The following DOP1B variants were observed in gnomAD, a reference collection of about 807,000 sequenced individuals.
The protein encoded by DOP1B is protein DOP1B.
Under a neutral mutation model 233.5 loss-of-function variants are expected in DOP1B, and 174 were observed. The observed-to-expected ratio is 0.75, with a 90% CI of 0.66 to 0.85. The LOEUF is 0.85. DOP1B is among the 40% of genes least tolerant of loss of function. The pLI is 0.00. For missense variants in DOP1B, 2,652 were observed against 2,846.6 expected, an observed-to-expected ratio of 0.93 and a Z score of 1.56; for synonymous variants, 1,190 against 1,185.6, an observed-to-expected ratio of 1.00 and a Z score of -0.08.
intron 36 of DOP1B, among the ~76,000 whole-genome samples, chr21:36,292,820 G>A (rs1342877003): frequency 1.3e-5 from 2 of 151,968 alleles, no homozygotes; most frequent in East Asian, 1.9e-4. Flanking sequence ...CGCCATATTG[G>A]TCAGGCTGGT....
intron 27 of DOP1B, 150 bp downstream of exon 27, chr21:36,270,307 C>A: frequency 1.2e-6 from 1 of 821,076 alleles, no homozygotes; most frequent in Non-Finnish European, 1.9e-6. Context: ...AATCCCAGCA[C>A]TTTGGGAGAC....
At position 36,179,601 on chromosome 21, in the gene DOP1B, C is replaced by A. The variant is rs528818406; in HGVS notation, c.138+14730C>A. Among the ~76,000 whole-genome samples the A allele has an allele frequency of 2.6e-5, 4 of 152,254 alleles. No homozygotes were observed. In the South Asian group the frequency reaches 8.3e-4, roughly 32 times the overall value. ...GTAGGGGAGTAGTTGTGAAGTGAGTCATGGAACGACAATATAATGCACACA... is the reference window on the plus strand; with the variant it reads ...GTAGGGGAGTAGTTGTGAAGTGAGTAATGGAACGACAATATAATGCACACA... On this transcript the variant is annotated intron_variant, in intron 2 of 36. Coordinates refer to ENST00000691173, the MANE Select transcript of DOP1B (RefSeq NM_001320714.2).
Position 36,292,252 on chromosome 21 carries a change from T to TTTTA in DOP1B, c.6645+22_6645+23insATTT. The TTTTA allele has an allele frequency of 6.5e-7, 1 of 1,527,848 alleles. No individual in the cohort carries two copies. Among genetic ancestry groups the TTTTA allele is most frequent in the Non-Finnish European group, 8.7e-7 (1 of 1,143,792 alleles). The allele number at this position is 1,527,848 out of a possible 1,614,324, so 94.6% of individuals were successfully genotyped here. Reference sequence around the variant, plus strand: ...GTTTGGGGTAAGTGCTTTTCTTTTCTTTTCTTTTTTTTTTTTTTTGGTGAG... The same window carrying TTTTA: ...GTTTGGGGTAAGTGCTTTTCTTTTCTTTTATTTCTTTTTTTTTTTTTTTGGTGAG... On this transcript the variant is annotated intron_variant, in intron 36 of 36. Transcript: ENST00000691173.
intron 7 of DOP1B, among the ~76,000 whole-genome samples, chr21:36,212,484 G>T (rs1299269890): frequency 6.6e-6 from 1 of 152,214 alleles, no homozygotes; most frequent in Non-Finnish European, 1.5e-5. Context: ...TGTAGATAAA[G>T]GAGGAGGTTT....
intron 13 of DOP1B, among the ~76,000 whole-genome samples, chr21:36,229,974 C>T (rs2066739898): frequency 1.3e-5 from 2 of 151,168 alleles, no homozygotes; most frequent in African/African-American, 2.4e-5. Context: ...TATTTTATTT[C>T]TTCATACCTT....
intron 2 of DOP1B, among the ~76,000 whole-genome samples, chr21:36,173,285 CT>C (rs1212634658): frequency 6.6e-6 from 1 of 152,024 alleles, no homozygotes; most frequent in African/African-American, 2.4e-5. Context: ...CCAGTCAACC[CT>C]TTTTTCAACT....
At chr21:36,157,241 C>T (rs1297925296) in intron 1 of DOP1B, among the ~76,000 whole-genome samples, 2 of 152,116 alleles carry the variant, frequency 1.3e-5, no homozygotes. Flanking sequence ...ATGATGCCGG[C>T]CACGCCCTCG....
In DOP1B at chr21:36,238,720, T is replaced by G. The variant is rs371443302; in HGVS notation, c.2876+19T>G. 5 of 1,612,438 alleles carry G rather than the reference T, an allele frequency of 3.1e-6. No homozygotes were observed. Among genetic ancestry groups the G allele is most frequent in the Non-Finnish European group, 4.2e-6 (5 of 1,178,450 alleles). On this transcript the variant is annotated intron_variant, in intron 17 of 36. Coordinates refer to ENST00000691173, the MANE Select transcript of DOP1B (RefSeq NM_001320714.2). ...TTGATAGGTGAGGCGGCCTTCGTTA[T>G]GATCTACCGTTAACTCACGAGGAAA...
At chr21:36,205,639 T>C (rs2066418116) in intron 4 of DOP1B, among the ~76,000 whole-genome samples, 1 of 151,932 alleles carries the variant, frequency 6.6e-6, no homozygotes, top group Non-Finnish European at 1.5e-5. Context: ...CCACCTGCCT[T>C]GGCCTCCCAA....
At chr21:36,237,219 G>C in intron 15 of DOP1B, 43 bp from the exon 16 acceptor site, 2 of 1,613,500 alleles carry the variant, frequency 1.2e-6, no homozygotes, top group Non-Finnish European at 1.7e-6. Context: ...GATGTTGCCT[G>C]TGTTGACCTG....
chr21:36,188,930 T>A (rs1021721047), intron 2 of DOP1B, among the ~76,000 whole-genome samples: 1 of 152,224 alleles, frequency 6.6e-6, no homozygotes, highest in Non-Finnish European at 1.5e-5. Context: ...ACTCCTTTTT[T>A]AAAGCATTTT....
chr21:36,165,337 G>C (rs2123390359), intron 2 of DOP1B, among the ~76,000 whole-genome samples: 1 of 152,084 alleles, frequency 6.6e-6, no homozygotes, highest in South Asian at 2.1e-4. Flanking sequence ...TTTTACTGCT[G>C]TCTGGTAACT....
At chr21:36,282,705 G>A (rs1276841502) in intron 32 of DOP1B, among the ~76,000 whole-genome samples, 1 of 152,064 alleles carries the variant, frequency 6.6e-6, no homozygotes, top group African/African-American at 2.4e-5. Flanking sequence ...ACTGGGCACG[G>A]TGGCTCACGC....
intron 10 of DOP1B, among the ~76,000 whole-genome samples, chr21:36,220,613 G>A (rs774208475): frequency 7.9e-5 from 12 of 151,478 alleles, no homozygotes; most frequent in East Asian, 1.9e-4. Context: ...CGATCCTCAC[G>A]CCTCAGCCCC....
chr21:36,243,793 C>G (rs776057845), intron 18 of DOP1B, among the ~76,000 whole-genome samples: 1 of 152,028 alleles, frequency 6.6e-6, no homozygotes, highest in Non-Finnish European at 1.5e-5. Context: ...CTGCCTCAGC[C>G]TCCCGAGTAG....
At chr21:36,288,976 G>C in intron 34 of DOP1B, 69 bp from the exon 35 acceptor site, 1 of 1,570,346 alleles carries the variant, frequency 6.4e-7, no homozygotes, top group Non-Finnish European at 8.7e-7. Context: ...CTGAGGGACA[G>C]GTCATAGGTG....
At chr21:36,274,834 TTTG>T (rs149568376) in intron 27 of DOP1B, among the ~76,000 whole-genome samples, 19,130 of 151,714 alleles carry the variant, frequency 0.13, 1,299 homozygotes, top group South Asian at 0.25. Context: ...CAGAGAATGT[TTTG>T]TTGTTGTTGT....
chr21:36,198,988 C>A, intron 2 of DOP1B, 82 bp from the exon 3 acceptor site: 1 of 1,445,990 alleles, frequency 6.9e-7, no homozygotes, highest in Non-Finnish European at 9.4e-7. Flanking sequence ...TGGCTGCAGT[C>A]TCTCTGGCTT....
At chr21:36,212,575 A>G (rs892067285) in intron 7 of DOP1B, among the ~76,000 whole-genome samples, 2 of 152,202 alleles carry the variant, frequency 1.3e-5, no homozygotes, top group Non-Finnish European at 2.9e-5. Context: ...TCTGTGTGTC[A>G]GAGTGTGTGG....
Sources: allele counts gnomAD v4.1 joint callset (sites outside exome capture counted in the v4.1 genomes callset), GRCh38; gene constraint gnomAD v4.1.1; transcripts MANE v1.5; gene names NCBI Gene and HGNC (gene_info 2026-07-23, HGNC 2026-07-21).